The following EWSR1 variants were observed in gnomAD, a reference collection of about 807,000 sequenced individuals.
EWSR1 encodes RNA-binding protein EWS.
EWSR1 carries 14 observed loss-of-function variants against 92.1 expected under a neutral mutation model. The observed-to-expected ratio is 0.15, with a 90% CI of 0.10 to 0.24. The LOEUF (loss-of-function observed/expected upper bound fraction) is 0.24. Among genes scored for constraint, EWSR1 ranks in the 10% least tolerant of loss-of-function variants. The pLI is 1.00. For missense variants in EWSR1, 637 were observed against 870.9 expected (o/e 0.73, Z 3.38); for synonymous variants, 303 against 292.9 (o/e 1.03, Z -0.35).
intron 8 of EWSR1, chr22:29,290,273 A>T (rs892414199): frequency 4.3e-6 from 3 of 701,514 alleles, no homozygotes; most frequent in Non-Finnish European, 7.0e-6. Flanking sequence ...TGGTGTGGTG[A>T]TGGTTTTCAG....
chr22:29,272,332 G>T (rs377398751), intron 2 of EWSR1, 48 bp from the exon 3 acceptor site: 80 of 1,607,604 alleles, frequency 5.0e-5, no homozygotes, highest in Non-Finnish European at 6.4e-5. Context: ...TGTAGAGGTG[G>T]TATTTGAATG....
At position 29,296,386 on chromosome 22, in the gene EWSR1, G is replaced by A. The variant is rs760388944; in HGVS notation, c.1294+18G>A. On this transcript the variant is annotated intron_variant, in intron 12 of 16. Coordinates refer to ENST00000397938, the MANE Select transcript of EWSR1 (RefSeq NM_005243.4). ...GTTTGATGGTGAGATGTACTCACTG[G>A]CATTCTTAATCTCCCTGGCTATAGA... 1.4e-5 allele frequency: 22 copies of A among 1,612,508 alleles called. No homozygotes were observed. The highest frequency in any genetic ancestry group is 1.7e-5 in the Non-Finnish European group (20 of 1,179,232).
At position 29,268,288 on chromosome 22, in the gene EWSR1, A is replaced by C. The variant is rs758447329; in HGVS notation, c.-49A>C. 4.9e-5 allele frequency: 78 copies of C among 1,607,832 alleles called. 1 individual carries two copies. The highest frequency in any genetic ancestry group is 8.8e-5 in the South Asian group (8 of 90,976). On this transcript the variant is annotated 5_prime_UTR_variant, in exon 1 of 17. Transcript: ENST00000397938. ...CCTGCGCAGTGCGGCGCCTAGAGGGAAAGCGAGAGGGAGACGGACGTTGAG... is the reference window on the plus strand; with the variant it reads ...CCTGCGCAGTGCGGCGCCTAGAGGGCAAGCGAGAGGGAGACGGACGTTGAG...
chr22:29,268,359 G>C lies in EWSR1; in HGVS notation c.13+10G>C. 1 of 1,614,130 alleles carries C rather than the reference G, an allele frequency of 6.2e-7. No homozygotes were observed. Among genetic ancestry groups the C allele is most frequent in the South Asian group, 1.1e-5 (1 of 91,088 alleles). On this transcript the variant is annotated intron_variant, in intron 1 of 16. Coordinates refer to ENST00000397938, the MANE Select transcript of EWSR1 (RefSeq NM_005243.4). ...AAAATGGCGTCCACGGGTGAGTATG[G>C]TGGAACTGCGGTCGCGCCGGCGGTA...
At chr22:29,299,089 G>T in intron 14 of EWSR1, 145 bp from the exon 15 acceptor site, 1 of 1,495,684 alleles carries the variant, frequency 6.7e-7, no homozygotes, top group South Asian at 1.3e-5. Flanking sequence ...TCCTGTGGGT[G>T]CAATGCTGCC....
chr22:29,293,053 T>C (rs1221205554), intron 11 of EWSR1, among the ~76,000 whole-genome samples: 2 of 151,952 alleles, frequency 1.3e-5, no homozygotes, highest in Non-Finnish European at 2.9e-5. Flanking sequence ...CGCCCGGCCT[T>C]CCCTCCTCCA....
At chr22:29,299,026 T>C in intron 14 of EWSR1, 131 bp downstream of exon 14, 3 of 1,309,104 alleles carry the variant, frequency 2.3e-6, no homozygotes, top group Non-Finnish European at 3.1e-6. Context: ...TTAGGGACAC[T>C]AGTCAGCCAT....
At chr22:29,280,315 G>A (rs1437447010) in intron 5 of EWSR1, among the ~76,000 whole-genome samples, 1 of 152,174 alleles carries the variant, frequency 6.6e-6, no homozygotes, top group Admixed American at 6.5e-5. Context: ...TGATCCGCCT[G>A]CCTTGGCCTC....
At chr22:29,299,116 A>T in intron 14 of EWSR1, 118 bp from the exon 15 acceptor site, 1 of 1,576,154 alleles carries the variant, frequency 6.3e-7, no homozygotes, top group Non-Finnish European at 8.7e-7. Flanking sequence ...TGTGCCCTAA[A>T]GCATGGGTGT....
Position 29,299,165 on chromosome 22 carries a change from ACAC to A in EWSR1, c.1581-64_1581-62del. On this transcript the variant is annotated intron_variant, in intron 14 of 16. Coordinates refer to ENST00000397938, the MANE Select transcript of EWSR1 (RefSeq NM_005243.4). ...TGATAGTGAGTGTGTACCTGTTCAC[ACAC>A]CACCTTTCCTTGTTTATCTTCCTTA... The A allele has an allele frequency of 4.3e-6, 7 of 1,613,422 alleles. No homozygotes were observed. In the South Asian group the frequency reaches 7.7e-5, roughly 18 times the overall value.
intron 5 of EWSR1, among the ~76,000 whole-genome samples, chr22:29,280,856 TG>T (rs1203083561): frequency 7.6e-5 from 10 of 132,272 alleles, no homozygotes; most frequent in Admixed American, 1.6e-4. Flanking sequence ...TGTGTGTGTG[TG>T]TGTTGTTTTT....
At chr22:29,282,661 C>G in intron 6 of EWSR1, 104 bp downstream of exon 6, 1 of 940,216 alleles carries the variant, frequency 1.1e-6, no homozygotes, top group Non-Finnish European at 1.5e-6. Context: ...TGTTATCTGA[C>G]TGTCGCAGTG....
intron 7 of EWSR1, among the ~76,000 whole-genome samples, chr22:29,287,578 T>C (rs1048349991): frequency 6.6e-6 from 1 of 152,138 alleles, no homozygotes; most frequent in Non-Finnish European, 1.5e-5. Flanking sequence ...GACACATCTT[T>C]AGGGCATGGC....
intron 6 of EWSR1, among the ~76,000 whole-genome samples, chr22:29,285,721 A>G (rs374858430): frequency 3.3e-5 from 5 of 151,300 alleles, no homozygotes; most frequent in East Asian, 3.8e-4. Flanking sequence ...CACTCTCTCT[A>G]TATTTTCTCA....
intron 11 of EWSR1, among the ~76,000 whole-genome samples, chr22:29,293,737 G>A (rs1399925682): frequency 1.3e-5 from 2 of 151,656 alleles, no homozygotes; most frequent in East Asian, 3.9e-4. Context: ...GCTAATTTTT[G>A]TATTTTTAGT....
intron 6 of EWSR1, among the ~76,000 whole-genome samples, chr22:29,286,153 T>A (rs1460413254): frequency 6.6e-6 from 1 of 151,558 alleles, no homozygotes; most frequent in South Asian, 2.1e-4. Context: ...TTTTTGGGTT[T>A]TTTTTTGGAG....
intron 4 of EWSR1, chr22:29,275,927 GTTTT>G (rs1325502080): frequency 5.1e-6 from 1 of 195,212 alleles, no homozygotes; most frequent in African/African-American, 2.8e-5. Flanking sequence ...TTGTTTTTTT[GTTTT>G]TTTGTTTTTT....
intron 1 of EWSR1, among the ~76,000 whole-genome samples, chr22:29,271,284 AAC>A (rs1341545778): frequency 6.6e-6 from 1 of 152,234 alleles, no homozygotes; most frequent in African/African-American, 2.4e-5. Flanking sequence ...TTTAAAAAAA[AAC>A]TAAATTTATC....
Position 29,299,442 on chromosome 22 carries a change from C to T in EWSR1, c.1678+111C>T, listed in dbSNP as rs550789565. 2.3e-4 allele frequency: 342 copies of T among 1,495,294 alleles called. 1 individual carries two copies. The African/African-American group carries it at 4.2e-3, about 18-fold the overall frequency. 92.6% of individuals were successfully genotyped at this position (1,495,294 alleles called of 1,614,324 possible). A position where few individuals can be genotyped will look rare whatever the true frequency, so the allele number is the denominator to read the frequency against. ...CCTCTGCTTAACAACTTTGAGTTGT[C>T]GTGTCCTCATTTCTAAATTGTCAGC... On this transcript the variant is annotated intron_variant, in intron 15 of 16. Coordinates refer to ENST00000397938, the MANE Select transcript of EWSR1 (RefSeq NM_005243.4).
Sources: gnomAD v4.1 joint callset for allele counts (sites outside exome capture counted in the v4.1 genomes callset) on GRCh38, gnomAD v4.1.1 for gene constraint, MANE v1.5 for transcripts, NCBI Gene and HGNC (gene_info 2026-07-23, HGNC 2026-07-21) for gene names.